The following SENP7 variants were observed in gnomAD, a reference collection of about 807,000 sequenced individuals.
The protein encoded by SENP7 is SUMO specific peptidase 7.
Under a neutral mutation model 141.2 loss-of-function variants are expected in SENP7, and 64 were observed. The ratio of observed to expected loss-of-function variants is 0.45; its 90% CI spans 0.37 to 0.56. SENP7 has a LOEUF of 0.56. Among genes scored for constraint, SENP7 ranks in the 20% least tolerant of loss-of-function variants. The pLI is 0.00. For synonymous variants in SENP7, 382 were observed against 426.4 expected (o/e 0.90, Z 1.28); for missense variants, 1,025 against 1,212.2 (o/e 0.85, Z 2.29).
At chr3:101,330,529 T>C (rs1386093396) in intron 19 of SENP7, 143 bp from the exon 20 acceptor site, 1 of 501,586 alleles carries the variant, frequency 2.0e-6, no homozygotes, top group African/African-American at 2.0e-5. Context: ...TCATGATTAA[T>C]GTTATGAATA....
intron 2 of SENP7, among the ~76,000 whole-genome samples, chr3:101,495,652 G>GA (rs2065131990): frequency 6.6e-6 from 1 of 152,192 alleles, no homozygotes; most frequent in African/African-American, 2.4e-5. Flanking sequence ...TGCAGAAACA[G>GA]AAAACCAAAC....
At chr3:101,498,746 C>T (rs1371043969) in intron 2 of SENP7, among the ~76,000 whole-genome samples, 2 of 152,150 alleles carry the variant, frequency 1.3e-5, no homozygotes, top group Admixed American at 1.3e-4. Context: ...AGGAGGCGAG[C>T]AGCACGGGAG....
At chr3:101,504,249 C>T (rs555204577) in intron 1 of SENP7, among the ~76,000 whole-genome samples, 28 of 150,558 alleles carry the variant, frequency 1.9e-4, no homozygotes, top group Admixed American at 6.6e-4. Context: ...GTCAGGAGTT[C>T]GAGACCAGCC....
chr3:101,433,568 T>C (rs2062266497), intron 4 of SENP7, among the ~76,000 whole-genome samples: 2 of 151,970 alleles, frequency 1.3e-5, no homozygotes, highest in South Asian at 2.1e-4. Flanking sequence ...AATAAAGGGA[T>C]AGAAAAATGT....
At chr3:101,508,686 C>G (rs2065729408) in intron 1 of SENP7, among the ~76,000 whole-genome samples, 1 of 152,194 alleles carries the variant, frequency 6.6e-6, no homozygotes, top group Non-Finnish European at 1.5e-5. Context: ...ACCTTTCATT[C>G]TATATACTGT....
At chr3:101,376,453 A>G (rs571927145) in intron 6 of SENP7, among the ~76,000 whole-genome samples, 1 of 152,378 alleles carries the variant, frequency 6.6e-6, no homozygotes, top group South Asian at 2.1e-4. Flanking sequence ...TACTAATTTC[A>G]TAATAAAACA....
At chr3:101,446,281 C>A (rs1358260639) in intron 4 of SENP7, among the ~76,000 whole-genome samples, 3 of 152,166 alleles carry the variant, frequency 2.0e-5, no homozygotes, top group Admixed American at 1.3e-4. Context: ...ATTAAACCTC[C>A]TTTCTTTATA....
At chr3:101,396,965 T>A (rs1031466928) in intron 6 of SENP7, among the ~76,000 whole-genome samples, 1 of 152,210 alleles carries the variant, frequency 6.6e-6, no homozygotes, top group African/African-American at 2.4e-5. Context: ...TGCCTCAGCC[T>A]CCCAAGTGGT....
At chr3:101,337,311 G>A in intron 17 of SENP7, 198 bp downstream of exon 17, 1 of 344,512 alleles carries the variant, frequency 2.9e-6, no homozygotes, top group Non-Finnish European at 5.4e-6. Flanking sequence ...AATGCAGACT[G>A]CAAGTGTCAG....
intron 3 of SENP7, among the ~76,000 whole-genome samples, chr3:101,461,300 C>T (rs901468277): frequency 6.6e-6 from 1 of 151,966 alleles, no homozygotes; most frequent in Non-Finnish European, 1.5e-5. Flanking sequence ...AATGTCCACA[C>T]CAAATGAAGA....
intron 6 of SENP7, among the ~76,000 whole-genome samples, chr3:101,390,781 C>T (rs1024797906): frequency 1.3e-5 from 2 of 152,170 alleles, no homozygotes; most frequent in Non-Finnish European, 2.9e-5. Context: ...ACATTTCACC[C>T]ATGGCTGCAG....
intron 4 of SENP7, among the ~76,000 whole-genome samples, chr3:101,446,993 C>T (rs775221063): frequency 8.6e-5 from 13 of 151,368 alleles, no homozygotes; most frequent in Non-Finnish European, 1.6e-4. Context: ...ACTGATATAC[C>T]ACTAGCTAGA....
chr3:101,380,437 C>CG (rs979920140), intron 6 of SENP7, among the ~76,000 whole-genome samples: 1 of 12,798 alleles, frequency 7.8e-5, no homozygotes, highest in Non-Finnish European at 1.4e-4. Flanking sequence ...AAACCACCGC[C>CG]CCCCCCCCCA....
chr3:101,445,254 A>C (rs1183544775), intron 4 of SENP7, among the ~76,000 whole-genome samples: 1 of 152,244 alleles, frequency 6.6e-6, no homozygotes, highest in African/African-American at 2.4e-5. Context: ...TCAGAAATGA[A>C]GAATAAATAA....
rs376679596 is a variant in SENP7 at position 101,396,938 on chromosome 3, G to A, written c.677+1923C>T. The stretch of plus-strand genomic sequence containing the variant: ...AGCTCACTGCAACCTCCACCTCCTG[G>A]GTTCAAGCAATTCTCCTGCCTCAGC... On this transcript the variant is annotated intron_variant, in intron 6 of 23. Coordinates refer to ENST00000394095, the MANE Select transcript of SENP7 (RefSeq NM_020654.5). Among the ~76,000 whole-genome samples, 18 of 152,298 alleles carry A rather than the reference G, an allele frequency of 1.2e-4. No individual in the cohort carries two copies. The East Asian group carries it at 3.3e-3, about 28-fold the overall frequency.
At chr3:101,493,150 A>G (rs113339308) in intron 3 of SENP7, among the ~76,000 whole-genome samples, 1,732 of 152,290 alleles carry the variant, frequency 0.011, 26 homozygotes, top group African/African-American at 0.038. Context: ...ACAGAAAACC[A>G]AATACTGCAT....
At chr3:101,399,132 T>A in intron 5 of SENP7, 77 bp from the exon 6 acceptor site, 1 of 901,528 alleles carries the variant, frequency 1.1e-6, no homozygotes. Context: ...GAAGGTGAAT[T>A]TTCAATCATT....
At chr3:101,450,932 T>A (rs979456619) in intron 4 of SENP7, among the ~76,000 whole-genome samples, 4 of 152,050 alleles carry the variant, frequency 2.6e-5, no homozygotes, top group Non-Finnish European at 4.4e-5. Flanking sequence ...CAGGAGCTGG[T>A]TTTTTGAAAA....
intron 10 of SENP7, 120 bp from the exon 11 acceptor site, chr3:101,361,981 T>C: frequency 1.9e-6 from 2 of 1,038,206 alleles, no homozygotes; most frequent in Non-Finnish European, 2.6e-6. Flanking sequence ...AAGAACTTTA[T>C]ACTGTTCTTA....
Sources: allele counts gnomAD v4.1 joint callset (sites outside exome capture counted in the v4.1 genomes callset), GRCh38; gene constraint gnomAD v4.1.1; transcripts MANE v1.5; gene names NCBI Gene and HGNC (gene_info 2026-07-23, HGNC 2026-07-21).